TRAK1: variants seen among roughly 807,000 people sequenced by gnomAD.
The protein encoded by TRAK1 is trafficking kinesin-binding protein 1.
A neutral mutation model predicts 92.1 loss-of-function variants in TRAK1; 33 were observed. The observed-to-expected ratio is 0.36, with a 90% confidence interval of 0.27 to 0.48. TRAK1 has a LOEUF of 0.48. Ranked by LOEUF, TRAK1 falls within the 20% of genes least tolerant of loss-of-function variation. The probability of loss-of-function intolerance (pLI) is 0.99; values close to 1 mark genes in which losing one functional copy is unlikely to be tolerated. For missense variants in TRAK1, 1,123 were observed against 1,257.9 expected, an observed-to-expected ratio of 0.89 and a Z score of 1.62; for synonymous variants, 521 against 517.3, an observed-to-expected ratio of 1.01 and a Z score of -0.10.
intron 1 of TRAK1, among the ~76,000 whole-genome samples, chr3:42,019,116 A>G (rs1384881544): frequency 6.6e-6 from 1 of 152,128 alleles, no homozygotes. Flanking sequence ...GTATTAAAAA[A>G]GAAAAAGAAA....
chr3:42,045,666 G>T (rs1472008563), intron 1 of TRAK1, among the ~76,000 whole-genome samples: 1 of 152,214 alleles, frequency 6.6e-6, no homozygotes, highest in African/African-American at 2.4e-5. Context: ...AGTACACCTT[G>T]TACAGACTTT....
Position 42,194,869 on chromosome 3 carries a change from G to A in TRAK1, c.1041G>A (p.Leu347=). Residue 347 remains leucine, a synonymous_variant, in exon 10 of 16, where the codon CTG becomes CTA. Coordinates refer to ENST00000327628, the MANE Select transcript of TRAK1 (RefSeq NM_001042646.3). ...TGCTGCATGAGGCGCAGGAGGAGCTGAAGAACCTCCGGAACAAAACCATGC... is the reference window on the plus strand; with the variant it reads ...TGCTGCATGAGGCGCAGGAGGAGCTAAAGAACCTCCGGAACAAAACCATGC... ...MEMLHEAQEE[L]KNLRNKTMPN... is the part of the protein sequence containing the mutation. 14 of 1,613,946 alleles carry A rather than the reference G, an allele frequency of 8.7e-6. No homozygotes were observed. Among genetic ancestry groups the A allele is most frequent in the Non-Finnish European group, 1.2e-5 (14 of 1,179,940 alleles).
At chr3:42,030,395 G>A (rs1308859978) in intron 1 of TRAK1, among the ~76,000 whole-genome samples, 17 of 140,640 alleles carry the variant, frequency 1.2e-4, no homozygotes, top group Non-Finnish European at 1.3e-4. Context: ...ATATATGGCC[G>A]GGCGTGGTAG....
intron 1 of TRAK1, among the ~76,000 whole-genome samples, chr3:42,068,735 T>C (rs906249456): frequency 6.6e-6 from 1 of 152,216 alleles, no homozygotes; most frequent in Non-Finnish European, 1.5e-5. Flanking sequence ...TTACTACTTA[T>C]GGGAAATTAC....
intron 15 of TRAK1, among the ~76,000 whole-genome samples, 174 bp downstream of exon 15, chr3:42,219,770 TTTG>T (rs1174295722): frequency 6.7e-6 from 1 of 150,220 alleles, no homozygotes; most frequent in Non-Finnish European, 1.5e-5. Context: ...CATCCTTCCT[TTTG>T]TTGTTGTTAT....
intron 1 of TRAK1, among the ~76,000 whole-genome samples, chr3:42,120,055 A>T (rs189313639): frequency 3.3e-3 from 504 of 152,332 alleles, no homozygotes; most frequent in Admixed American, 8.4e-3. Flanking sequence ...AAAAAATAAA[A>T]AAATAAATAA....
At position 42,202,468 on chromosome 3, in the gene TRAK1, C is replaced by A; in HGVS notation, c.1460C>A (p.Pro487Gln). ...GAGCGGAGTAAGAAGCCGGGGACGC[C>A]GGGCACCCCAGGCTCCCACGACCTG... ...NDERSKKPGT[P>Q]GTPGSHDLET... Residue 487 changes from proline (P) to glutamine (Q), a missense_variant, in exon 13 of 16, where the codon CCG becomes CAG. Around this residue, in one of 3 missense-constraint regions of TRAK1, gnomAD observed 686 missense variants for 747.6 expected, o/e 0.92. Coordinates refer to ENST00000327628, the MANE Select transcript of TRAK1 (RefSeq NM_001042646.3). The surrounding 1 kb of genome is among the most constrained non-coding windows in gnomAD (Gnocchi z 6.1). 6.7e-7 allele frequency: 1 copy of A among 1,488,596 alleles called. No homozygotes were observed. The allele number at this position is 1,488,596 out of a possible 1,614,324, so 92.2% of individuals were successfully genotyped here.
intron 2 of TRAK1, among the ~76,000 whole-genome samples, chr3:42,170,228 T>G (rs1041350070): frequency 3.9e-5 from 6 of 152,212 alleles, no homozygotes; most frequent in African/African-American, 1.4e-4. Context: ...AGCTACAAGC[T>G]TTTAACAAAC....
intron 1 of TRAK1, among the ~76,000 whole-genome samples, chr3:42,022,063 G>GT (rs1701742566): frequency 6.6e-6 from 1 of 152,202 alleles, no homozygotes; most frequent in Admixed American, 6.5e-5. Context: ...CTGTATGACA[G>GT]TAACAGGAAT....
chr3:42,146,138 T>C, intron 2 of TRAK1: 2 of 426,264 alleles, frequency 4.7e-6, no homozygotes, highest in Non-Finnish European at 9.2e-6. Context: ...CATTGTGTCC[T>C]TGGTCTGCAA....
At chr3:42,120,493 G>C (rs559627273) in intron 1 of TRAK1, among the ~76,000 whole-genome samples, 1 of 151,878 alleles carries the variant, frequency 6.6e-6, no homozygotes, top group East Asian at 1.9e-4. Flanking sequence ...CTGACCCTCC[G>C]TGGTTCTGCA....
rs75435684 is a variant in TRAK1 at position 42,174,151 on chromosome 3, C to T, written c.287-2663C>T. Among the ~76,000 whole-genome samples, 1,001 of 152,268 alleles carry T rather than the reference C, an allele frequency of 6.6e-3. 6 individuals are homozygous for T. The highest frequency in any genetic ancestry group is 0.021 in the African/African-American group (878 of 41,560). On this transcript the variant is annotated intron_variant, in intron 2 of 15. Transcript: ENST00000327628. ...AAGCAATTCTCCTGCCTCAGCCTCC[C>T]AAGTTAGGATTACAGGCATCTGCCA... is the stretch of plus-strand genomic sequence containing the variant.
intron 1 of TRAK1, among the ~76,000 whole-genome samples, chr3:42,025,776 C>T (rs1390957908): frequency 1.3e-5 from 2 of 152,142 alleles, no homozygotes; most frequent in African/African-American, 4.8e-5. Context: ...GTGGTGAGCT[C>T]ATTAGGCTGG....
intron 1 of TRAK1, among the ~76,000 whole-genome samples, chr3:42,103,237 G>T (rs2149028574): frequency 1.3e-5 from 2 of 152,198 alleles, no homozygotes; most frequent in South Asian, 4.2e-4. Flanking sequence ...GCGTGATCTT[G>T]GCTCACTGCA....
chr3:42,175,952 C>A (rs554972218), intron 2 of TRAK1, among the ~76,000 whole-genome samples: 1 of 152,186 alleles, frequency 6.6e-6, no homozygotes, highest in Admixed American at 6.5e-5. Context: ...ATTCACTCCT[C>A]CCCCAATAGA....
intron 1 of TRAK1, among the ~76,000 whole-genome samples, chr3:42,122,657 T>C (rs929378116): frequency 2.6e-5 from 4 of 152,144 alleles, no homozygotes; most frequent in African/African-American, 7.2e-5. Flanking sequence ...ACTCTTTGCT[T>C]GATAGTGAGA....
At chr3:42,066,536 G>A (rs1703688954) in intron 1 of TRAK1, among the ~76,000 whole-genome samples, 1 of 134,672 alleles carries the variant, frequency 7.4e-6, no homozygotes, top group African/African-American at 2.9e-5. Flanking sequence ...GGGACCTTCC[G>A]CCGTTGGTGC....
intron 1 of TRAK1, among the ~76,000 whole-genome samples, chr3:42,036,121 T>G (rs1326797886): frequency 2.0e-5 from 3 of 152,150 alleles, no homozygotes; most frequent in Non-Finnish European, 2.9e-5. Flanking sequence ...GAGGCTTTAT[T>G]TGGACAGTGG....
intron 2 of TRAK1, among the ~76,000 whole-genome samples, chr3:42,168,701 G>A (rs1451931876): frequency 6.6e-6 from 1 of 152,054 alleles, no homozygotes; most frequent in African/African-American, 2.4e-5. Context: ...AGCCTCCTGG[G>A]TAGCTAGGAC....
Sources: allele counts gnomAD v4.1 joint callset (sites outside exome capture counted in the v4.1 genomes callset), GRCh38; gene constraint gnomAD v4.1.1; regional missense constraint gnomAD v4.1.1; non-coding constraint Gnocchi (gnomAD v3.1); transcripts MANE v1.5; gene names NCBI Gene and HGNC (gene_info 2026-07-23, HGNC 2026-07-21).